Variants in ADGRL3 observed in about 807,000 individuals in gnomAD.
The protein encoded by ADGRL3 is adhesion G protein-coupled receptor L3.
Under a neutral mutation model 153.5 loss-of-function variants are expected in ADGRL3, and 62 were observed. That is an observed-to-expected ratio of 0.40 (90% CI 0.33 to 0.50). The LOEUF is 0.50. ADGRL3 is among the 20% of genes least tolerant of loss of function. The pLI, the probability that ADGRL3 is intolerant of heterozygous loss-of-function variation, is 0.47. For synonymous variants in ADGRL3, 710 were observed against 672.5 expected (o/e 1.06, Z -0.86); for missense variants, 1,641 against 1,859.4 (o/e 0.88, Z 2.16).
At chr4:61,674,846 T>C (rs969931062) in intron 5 of ADGRL3, among the ~76,000 whole-genome samples, 2 of 151,968 alleles carry the variant, frequency 1.3e-5, no homozygotes, top group African/African-American at 4.8e-5. Context: ...AAAGATCTAC[T>C]ATTTTAAGAA....
At chr4:61,371,407 C>T (rs1240098326) in intron 1 of ADGRL3, among the ~76,000 whole-genome samples, 4 of 151,792 alleles carry the variant, frequency 2.6e-5, no homozygotes. Context: ...CCTTCAGGAG[C>T]TCTTTTAGGG....
chr4:61,304,994 T>C (rs907035811), intron 1 of ADGRL3, among the ~76,000 whole-genome samples: 1 of 152,180 alleles, frequency 6.6e-6, no homozygotes, highest in South Asian at 2.1e-4. Flanking sequence ...AAGATATAGA[T>C]AAAGAAAGCA....
chr4:61,491,424 G>A (rs904230236), intron 2 of ADGRL3, among the ~76,000 whole-genome samples: 2 of 151,956 alleles, frequency 1.3e-5, no homozygotes, highest in African/African-American at 2.4e-5. Flanking sequence ...GCTATCTTTG[G>A]TTACTATGGA....
intron 1 of ADGRL3, among the ~76,000 whole-genome samples, chr4:61,333,501 T>C (rs1578308880): frequency 6.6e-6 from 1 of 152,234 alleles, no homozygotes. Context: ...CACATGTTGT[T>C]CAACACTTAT....
chr4:61,204,912 GA>G (rs1272222279), intron 1 of ADGRL3, among the ~76,000 whole-genome samples: 1 of 152,062 alleles, frequency 6.6e-6, no homozygotes, highest in Non-Finnish European at 1.5e-5. Flanking sequence ...AATATGAATG[GA>G]AAGTCTTTCA....
intron 16 of ADGRL3, among the ~76,000 whole-genome samples, chr4:61,947,488 C>A (rs1279354703): frequency 6.6e-6 from 1 of 152,076 alleles, no homozygotes; most frequent in African/African-American, 2.4e-5. Flanking sequence ...GCTCTTGCTG[C>A]AAAAACAAGA....
chr4:61,509,677 C>T (rs1243253936), intron 3 of ADGRL3, among the ~76,000 whole-genome samples: 1 of 151,938 alleles, frequency 6.6e-6, no homozygotes, highest in Non-Finnish European at 1.5e-5. Flanking sequence ...TTGATGAGCA[C>T]TTGGGTTGAT....
intron 21 of ADGRL3, among the ~76,000 whole-genome samples, chr4:62,009,019 T>G (rs1391979554): frequency 6.6e-6 from 1 of 152,178 alleles, no homozygotes; most frequent in East Asian, 1.9e-4. Flanking sequence ...CTTTACCATA[T>G]AGCCTAGATG....
chr4:62,053,238 G>A (rs919373825), intron 25 of ADGRL3, among the ~76,000 whole-genome samples: 11 of 151,428 alleles, frequency 7.3e-5, no homozygotes, highest in African/African-American at 2.7e-4. Context: ...GAGGATATAT[G>A]TTTAGCAAAG....
At chr4:61,389,762 T>C (rs571767018) in intron 2 of ADGRL3, among the ~76,000 whole-genome samples, 2 of 152,298 alleles carry the variant, frequency 1.3e-5, no homozygotes, top group African/African-American at 4.8e-5. Flanking sequence ...CTTGGAGATA[T>C]CGTGGCTGTC....
intron 6 of ADGRL3, among the ~76,000 whole-genome samples, chr4:61,691,067 G>A (rs1159792650): frequency 1.3e-5 from 2 of 152,136 alleles, no homozygotes; most frequent in East Asian, 3.9e-4. Flanking sequence ...AGAATGAATG[G>A]TAAGTGTAAA....
At chr4:61,376,122 G>A (rs2096599665) in intron 1 of ADGRL3, among the ~76,000 whole-genome samples, 1 of 151,938 alleles carries the variant, frequency 6.6e-6, no homozygotes, top group South Asian at 2.1e-4. Context: ...GTTTTGAACT[G>A]TTTTGTCATA....
intron 6 of ADGRL3, among the ~76,000 whole-genome samples, chr4:61,713,763 A>C (rs533759618): frequency 4.3e-4 from 65 of 152,286 alleles, no homozygotes; most frequent in African/African-American, 1.6e-3. Context: ...ATAATTTCTT[A>C]CAATAGAGGT....
At chr4:61,540,524 G>A (rs896231662) in intron 4 of ADGRL3, among the ~76,000 whole-genome samples, 10 of 151,550 alleles carry the variant, frequency 6.6e-5, no homozygotes, top group African/African-American at 2.2e-4. Context: ...CTCTAGCCTG[G>A]TTGACAGAGC....
chr4:61,887,215 T>C (rs528154243), intron 9 of ADGRL3, among the ~76,000 whole-genome samples: 1 of 152,116 alleles, frequency 6.6e-6, no homozygotes. Flanking sequence ...TAATTTTTTT[T>C]AGAAGATGCC....
At chr4:61,661,563 T>C (rs934825487) in intron 5 of ADGRL3, among the ~76,000 whole-genome samples, 2 of 152,116 alleles carry the variant, frequency 1.3e-5, no homozygotes, top group African/African-American at 4.8e-5. Context: ...TTGTGCGTTA[T>C]AAGAAATATT....
At chr4:61,337,060 G>GTT (rs35224735) in intron 1 of ADGRL3, among the ~76,000 whole-genome samples, 5 of 151,462 alleles carry the variant, frequency 3.3e-5, no homozygotes, top group Admixed American at 6.6e-5. Flanking sequence ...ATTGCCCTTT[G>GTT]TTTTTTTGCA....
chr4:61,360,360 G>A (rs961250088), intron 1 of ADGRL3, among the ~76,000 whole-genome samples: 1 of 152,108 alleles, frequency 6.6e-6, no homozygotes, highest in African/African-American at 2.4e-5. Context: ...TTCTAAAGAT[G>A]TTGAGATTAT....
intron 1 of ADGRL3, among the ~76,000 whole-genome samples, chr4:61,249,855 G>A (rs549190595): frequency 2.0e-5 from 3 of 152,266 alleles, no homozygotes; most frequent in Non-Finnish European, 4.4e-5. Context: ...GGGATACTGC[G>A]TAAATGATTC....
Sources: allele counts gnomAD v4.1 joint callset (sites outside exome capture counted in the v4.1 genomes callset), GRCh38; gene constraint gnomAD v4.1.1; transcripts MANE v1.5; gene names NCBI Gene and HGNC (gene_info 2026-07-23, HGNC 2026-07-21).